The following PBK variants were observed in gnomAD, a reference collection of about 807,000 sequenced individuals.
PBK encodes the protein lymphokine-activated killer T-cell-originated protein kinase.
In PBK, 22 loss-of-function variants were observed where a neutral mutation model predicts 33.5. The ratio of observed to expected loss-of-function variants is 0.66; its 90% CI spans 0.47 to 0.94. PBK has a LOEUF of 0.94. PBK is among the 40% of genes least tolerant of loss of function. The probability of loss-of-function intolerance (pLI) is 0.00; values close to 1 mark genes in which losing one functional copy is unlikely to be tolerated. For missense variants in PBK, 376 were observed against 383.4 expected (o/e 0.98, Z 0.16); for synonymous variants, 129 against 123.8 (o/e 1.04, Z -0.28).
At chr8:27,830,269 T>A (rs1806104185) in intron 2 of PBK, among the ~76,000 whole-genome samples, 2 of 137,716 alleles carry the variant, frequency 1.5e-5, no homozygotes. Context: ...TTAAGACAAA[T>A]CTTAAAAATG....
At chr8:27,832,741 A>G (rs1806153115) in intron 2 of PBK, among the ~76,000 whole-genome samples, 1 of 152,196 alleles carries the variant, frequency 6.6e-6, no homozygotes, top group African/African-American at 2.4e-5. Flanking sequence ...GTTGCCTTGG[A>G]AAATATCTTT....
In PBK at chr8:27,818,643, CTT is replaced by C. The variant is rs531947337; in HGVS notation, c.595+1920_595+1921del. Among the ~76,000 whole-genome samples the C allele has an allele frequency of 4.6e-5, 7 of 151,168 alleles. No individual in the cohort carries two copies. In the East Asian group the frequency reaches 1.2e-3, roughly 26 times the overall value. ...TGTTTCTCATTGATTACTAATAACTCTTAATGCATTAGAAATATTAAATATCT... is the reference window on the plus strand; with the variant it reads ...TGTTTCTCATTGATTACTAATAACTCAATGCATTAGAAATATTAAATATCT... On this transcript the variant is annotated intron_variant, in intron 6 of 7. Coordinates refer to ENST00000301905, the MANE Select transcript of PBK (RefSeq NM_018492.4).
intron 6 of PBK, among the ~76,000 whole-genome samples, chr8:27,815,829 G>A (rs909116968): frequency 6.6e-6 from 1 of 152,166 alleles, no homozygotes; most frequent in Admixed American, 6.5e-5. Flanking sequence ...AAACATAATG[G>A]ATTGGGCCCC....
chr8:27,828,277 C>T, intron 2 of PBK, 79 bp from the exon 3 acceptor site: 2 of 610,664 alleles, frequency 3.3e-6, no homozygotes, highest in South Asian at 4.8e-5. Flanking sequence ...ATACTACTGC[C>T]AAGAGTATTA....
Position 27,822,433 on chromosome 8 carries a change from A to G in PBK, c.351T>C (p.Tyr117=), listed in dbSNP as rs1675236. The change falls in exon 5 of 8, where the codon TAT becomes TAC. Residue 117 remains tyrosine (Y), a synonymous_variant. Transcript: ENST00000301905. ...NDGSLCLAME[Y]GGEKSLNDLI... ...AGTCATTTAGAGACTTTTCACCTCC[A>G]TATTCCATAGCAAGACACAGACTGC... The G allele has an allele frequency of 1.9e-6, 3 of 1,612,238 alleles. No individual in the cohort carries two copies. The highest frequency in any genetic ancestry group is 2.5e-6 in the Non-Finnish European group (3 of 1,178,498).
chr8:27,837,539 C>T (rs781259343), intron 1 of PBK, 113 bp downstream of exon 1: 8 of 152,130 alleles, frequency 5.3e-5, no homozygotes, highest in Non-Finnish European at 1.2e-4. Flanking sequence ...GGCTGGCTGC[C>T]AAAATCCTTC....
At chr8:27,831,489 A>C (rs1806128578) in intron 2 of PBK, among the ~76,000 whole-genome samples, 1 of 114,700 alleles carries the variant, frequency 8.7e-6, no homozygotes, top group South Asian at 3.0e-4. Context: ...TGGAAACTTC[A>C]ACTCTCTTCT....
chr8:27,817,828 A>G (rs1002971278), intron 6 of PBK, among the ~76,000 whole-genome samples: 3 of 152,150 alleles, frequency 2.0e-5, no homozygotes, highest in African/African-American at 7.2e-5. Flanking sequence ...GCATTTAACT[A>G]TCACTGCAAG....
Position 27,829,719 on chromosome 8 carries a change from T to A in PBK, c.59-1521A>T, listed in dbSNP as rs186261820. 8.7e-5 allele frequency among the ~76,000 whole-genome samples: 13 copies of A among 150,012 alleles called. No homozygotes were observed. The East Asian group carries it at 2.0e-3, about 23-fold the overall frequency. On this transcript the variant is annotated intron_variant, in intron 2 of 7. Coordinates refer to ENST00000301905, the MANE Select transcript of PBK (RefSeq NM_018492.4). ...CGTCTCTACTAAAGAGGCAAAAAAT[T>A]AGCCAGGTGTGGTGGCACGTGCCTG...
At chr8:27,829,283 T>C (rs1005631653) in intron 2 of PBK, among the ~76,000 whole-genome samples, 1 of 152,140 alleles carries the variant, frequency 6.6e-6, no homozygotes, top group African/African-American at 2.4e-5. Context: ...CATATCACCA[T>C]GAGCTAGAGG....
chr8:27,828,195 A>G lies in PBK; in HGVS notation c.62T>C (p.Leu21Ser). 6.9e-7 allele frequency: 1 copy of G among 1,443,820 alleles called. No homozygotes were observed. Among genetic ancestry groups the G allele is most frequent in the Non-Finnish European group, 9.6e-7 (1 of 1,038,376 alleles). The allele number at this position is 1,443,820 out of a possible 1,614,324, so 89.4% of individuals were successfully genotyped here. Residue 21 changes from leucine to serine, a missense_variant, in exon 3 of 8, where the codon TTA (leucine) becomes TCA (serine). Transcript: ENST00000301905. ...SKLSEKKKSV[L>S]CSTPTINIPA... The stretch of plus-strand genomic sequence containing the variant: ...GATATTTATAGTTGGAGTTGAACAT[A>G]ATACTAAATGTCAGAGAAATAAAAA...
At chr8:27,824,504 TGTAA>T (rs1439691317) in intron 3 of PBK, among the ~76,000 whole-genome samples, 1 of 149,778 alleles carries the variant, frequency 6.7e-6, no homozygotes, top group East Asian at 1.9e-4. Context: ...AGAAAAAATA[TGTAA>T]GTAAATAAAA....
At chr8:27,833,986 A>G (rs1563496901) in intron 1 of PBK, among the ~76,000 whole-genome samples, 1 of 152,086 alleles carries the variant, frequency 6.6e-6, no homozygotes. Context: ...ATTATACTAA[A>G]TGAAAGAAGC....
At chr8:27,811,772 G>T (rs559256154) in intron 6 of PBK, among the ~76,000 whole-genome samples, 3 of 152,032 alleles carry the variant, frequency 2.0e-5, no homozygotes, top group African/African-American at 7.2e-5. Context: ...CTTCCAAACC[G>T]CAGTCATATA....
chr8:27,826,795 CAAAA>C (rs5890381), intron 3 of PBK, among the ~76,000 whole-genome samples: 9 of 66,222 alleles, frequency 1.4e-4, no homozygotes, highest in African/African-American at 5.7e-4. Context: ...GACTCCGTCT[CAAAA>C]AAAAAAAAAA....
chr8:27,833,128 T>C lies in PBK; in HGVS notation c.-15A>G. Reference sequence around the variant, plus strand: ...ATCCCTTCCATTGTGAAAGCCACTCTCAGTCCTACGATGAAAACAAATTGC... The same window carrying C: ...ATCCCTTCCATTGTGAAAGCCACTCCCAGTCCTACGATGAAAACAAATTGC... On this transcript the variant is annotated 5_prime_UTR_variant, in exon 2 of 8. Transcript: ENST00000301905. The C allele has an allele frequency of 6.4e-7, 1 of 1,558,178 alleles. No individual in the cohort carries two copies. Among genetic ancestry groups the C allele is most frequent in the Non-Finnish European group, 8.7e-7 (1 of 1,144,512 alleles).
chr8:27,836,665 A>G (rs1222187872), intron 1 of PBK, among the ~76,000 whole-genome samples: 3 of 152,220 alleles, frequency 2.0e-5, no homozygotes, highest in Admixed American at 2.0e-4. Context: ...TGGAAATCTT[A>G]TGATGAGCCT....
intron 7 of PBK, 121 bp from the exon 8 acceptor site, chr8:27,810,622 A>T: frequency 1.6e-6 from 1 of 629,254 alleles, no homozygotes; most frequent in Non-Finnish European, 2.8e-6. Flanking sequence ...ATTCTGCCAC[A>T]GACAGAATGG....
chr8:27,832,915 T>A, intron 2 of PBK, 141 bp downstream of exon 2: 1 of 575,986 alleles, frequency 1.7e-6, no homozygotes, highest in Non-Finnish European at 3.0e-6. Context: ...TAAGTCTTAT[T>A]TGTTAAGATT....
Sources: allele counts gnomAD v4.1 joint callset (sites outside exome capture counted in the v4.1 genomes callset), GRCh38; gene constraint gnomAD v4.1.1; transcripts MANE v1.5; gene names NCBI Gene and HGNC (gene_info 2026-07-23, HGNC 2026-07-21).